NAALADL2: variants seen among roughly 807,000 people sequenced by gnomAD.
The protein encoded by NAALADL2 is inactive N-acetylated-alpha-linked acidic dipeptidase-like protein 2.
In NAALADL2, 76 loss-of-function variants were observed where a neutral mutation model predicts 87.2. That is an observed-to-expected ratio of 0.87 (90% CI 0.72 to 1.05). The LOEUF (loss-of-function observed/expected upper bound fraction) is 1.05, where lower values mean the gene tolerates loss of function less well. NAALADL2 is among the 50% of genes least tolerant of loss of function. The pLI is 0.00. For synonymous variants in NAALADL2, 354 were observed against 331.0 expected (o/e 1.07, Z -0.75); for missense variants, 1,089 against 945.8 (o/e 1.15, Z -1.99).
At chr3:174,449,674 G>A (rs376989353) in intron 1 of NAALADL2, among the ~76,000 whole-genome samples, 1 of 152,278 alleles carries the variant, frequency 6.6e-6, no homozygotes, top group East Asian at 1.9e-4. Context: ...TATGATTTAT[G>A]TATATATGAA....
At chr3:174,590,476 A>G (rs1717243611) in intron 2 of NAALADL2, among the ~76,000 whole-genome samples, 1 of 152,196 alleles carries the variant, frequency 6.6e-6, no homozygotes, top group Non-Finnish European at 1.5e-5. Context: ...TTTAAAAGCT[A>G]TCTTGAAAAG....
intron 5 of NAALADL2, among the ~76,000 whole-genome samples, chr3:175,407,190 AT>A (rs1712570334): frequency 6.6e-6 from 1 of 152,204 alleles, no homozygotes; most frequent in African/African-American, 2.4e-5. Context: ...TCTGAAAAAA[AT>A]AAAATAATAA....
chr3:174,855,724 T>G (rs1458163478), upstream of NAALADL2, among the ~76,000 whole-genome samples: 3 of 150,476 alleles, frequency 2.0e-5, no homozygotes, highest in African/African-American at 7.4e-5. Flanking sequence ...GCCAGGAACT[T>G]GATGACTACT....
At chr3:175,243,675 C>T (rs892734208) in intron 3 of NAALADL2, among the ~76,000 whole-genome samples, 1 of 151,158 alleles carries the variant, frequency 6.6e-6, no homozygotes, top group Non-Finnish European at 1.5e-5. Context: ...GAGCCAAGAA[C>T]ACTGCTCTGT....
intron 2 of NAALADL2, among the ~76,000 whole-genome samples, chr3:174,692,760 C>T (rs1436189272): frequency 4.0e-5 from 6 of 151,820 alleles, no homozygotes; most frequent in Admixed American, 3.9e-4. Context: ...ACAAACTTGG[C>T]TATGTGTTGT....
At chr3:175,706,546 AC>A (rs1419084804) in intron 11 of NAALADL2, among the ~76,000 whole-genome samples, 4 of 152,168 alleles carry the variant, frequency 2.6e-5, no homozygotes, top group Non-Finnish European at 4.4e-5. Context: ...ACCATGAGTA[AC>A]AGCTATTGTA....
intron 1 of NAALADL2, among the ~76,000 whole-genome samples, chr3:174,937,611 G>C (rs1173003109): frequency 6.6e-6 from 1 of 151,976 alleles, no homozygotes; most frequent in Non-Finnish European, 1.5e-5. Context: ...CTGGAATAAA[G>C]AGCCTAAAAA....
chr3:174,910,439 A>G (rs949146428), intron 1 of NAALADL2, among the ~76,000 whole-genome samples: 1 of 152,150 alleles, frequency 6.6e-6, no homozygotes, highest in East Asian at 1.9e-4. Context: ...GAGTTAGCTA[A>G]GGAAAAGAGA....
At chr3:174,585,651 T>G (rs1208414642) in intron 2 of NAALADL2, among the ~76,000 whole-genome samples, 1 of 148,310 alleles carries the variant, frequency 6.7e-6, no homozygotes, top group African/African-American at 2.5e-5. Context: ...AATCAAAAGA[T>G]AGTTTTTTTT....
At chr3:175,618,373 G>C (rs1320262607) in intron 10 of NAALADL2, among the ~76,000 whole-genome samples, 1 of 152,134 alleles carries the variant, frequency 6.6e-6, no homozygotes, top group Non-Finnish European at 1.5e-5. Flanking sequence ...TAGGGAGAAA[G>C]GGGTGGACTA....
At chr3:174,626,858 A>G (rs1375831919) in intron 2 of NAALADL2, among the ~76,000 whole-genome samples, 1 of 152,106 alleles carries the variant, frequency 6.6e-6, no homozygotes, top group Non-Finnish European at 1.5e-5. Context: ...GGTCTTAAGC[A>G]AGCTGATATG....
intron 4 of NAALADL2, among the ~76,000 whole-genome samples, chr3:175,285,274 A>G (rs1419948244): frequency 3.3e-5 from 5 of 152,196 alleles, no homozygotes; most frequent in Non-Finnish European, 7.4e-5. Flanking sequence ...TTAAAAAGGT[A>G]TGGCACCTGC....
chr3:174,806,964 C>T (rs936321714), intron 3 of NAALADL2, among the ~76,000 whole-genome samples: 1 of 151,856 alleles, frequency 6.6e-6, no homozygotes, highest in African/African-American at 2.4e-5. Context: ...ATTAGGGAAC[C>T]AGCAAAAAGT....
intron 1 of NAALADL2, among the ~76,000 whole-genome samples, chr3:175,001,524 G>A (rs1748228544): frequency 6.6e-6 from 1 of 152,120 alleles, no homozygotes; most frequent in Non-Finnish European, 1.5e-5. Flanking sequence ...AGGTAAAGCT[G>A]AATAACTCCT....
intron 4 of NAALADL2, among the ~76,000 whole-genome samples, chr3:175,317,171 A>G (rs1266977063): frequency 3.7e-4 from 56 of 152,178 alleles, no homozygotes; most frequent in Admixed American, 3.7e-3. Flanking sequence ...AGGGGTCACA[A>G]CATGTTACCA....
chr3:175,644,211 T>A (rs910524797), intron 11 of NAALADL2, among the ~76,000 whole-genome samples: 10 of 152,160 alleles, frequency 6.6e-5, no homozygotes, highest in African/African-American at 2.4e-4. Context: ...ATTTCATGTG[T>A]TGAAAATATC....
intron 1 of NAALADL2, chr3:174,459,127 T>C (rs1212972084): frequency 6.6e-6 from 1 of 152,242 alleles, no homozygotes; most frequent in Non-Finnish European, 1.5e-5. Context: ...ATTCTGATTA[T>C]ATCTGTTCTA....
At chr3:175,633,869 T>C (rs180885076) in intron 11 of NAALADL2, among the ~76,000 whole-genome samples, 113 of 151,712 alleles carry the variant, frequency 7.4e-4, no homozygotes, top group Non-Finnish European at 6.8e-4. Context: ...TTTTGTAATA[T>C]GTAAACAGGA....
At chr3:175,064,621 C>T (rs76840832) in intron 1 of NAALADL2, among the ~76,000 whole-genome samples, 17,010 of 152,156 alleles carry the variant, frequency 0.11, 1,089 homozygotes, top group East Asian at 0.21. Flanking sequence ...GGGAAACAAA[C>T]ACTCTGACCT....
Sources: gnomAD v4.1 joint callset for allele counts (sites outside exome capture counted in the v4.1 genomes callset) on GRCh38, gnomAD v4.1.1 for gene constraint, MANE v1.5 for transcripts, NCBI Gene and HGNC (gene_info 2026-07-23, HGNC 2026-07-21) for gene names.